The following ZNF236 variants were observed in gnomAD, a reference collection of about 807,000 sequenced individuals.
The protein encoded by ZNF236 is regulated by glucose.
In ZNF236, 50 loss-of-function variants were observed where a neutral mutation model predicts 191.2. That is an observed-to-expected ratio of 0.26 (90% confidence interval 0.21 to 0.33). ZNF236 has a LOEUF of 0.33. Ranked by LOEUF, ZNF236 falls within the 10% of genes least tolerant of loss-of-function variation. ZNF236 has a pLI of 1.00. For missense variants in ZNF236, 1,754 were observed against 2,374.5 expected (o/e 0.74, Z 5.43); for synonymous variants, 907 against 928.8 (o/e 0.98, Z 0.43).
chr18:76,904,157 A>C (rs546382375), intron 11 of ZNF236, among the ~76,000 whole-genome samples: 1 of 151,538 alleles, frequency 6.6e-6, no homozygotes, highest in African/African-American at 2.4e-5. Flanking sequence ...TTAATTTATA[A>C]ATTAATTTGT....
chr18:76,862,329 C>T (rs1270032411), intron 3 of ZNF236, among the ~76,000 whole-genome samples: 1 of 152,172 alleles, frequency 6.6e-6, no homozygotes, highest in Non-Finnish European at 1.5e-5. Context: ...ATGGTATTTA[C>T]TCAATTCCAA....
intron 3 of ZNF236, among the ~76,000 whole-genome samples, chr18:76,862,357 A>T (rs1976265121): frequency 6.6e-6 from 1 of 152,164 alleles, no homozygotes; most frequent in Non-Finnish European, 1.5e-5. Flanking sequence ...CCAACTGAAA[A>T]GCTGCTCAGC....
intron 28 of ZNF236, among the ~76,000 whole-genome samples, chr18:76,958,779 C>T (rs1464632309): frequency 6.6e-6 from 1 of 152,194 alleles, no homozygotes; most frequent in Non-Finnish European, 1.5e-5. Context: ...CCACTCACCT[C>T]CCGAGTTTGT....
chr18:76,917,377 G>A (rs997681961), intron 19 of ZNF236, among the ~76,000 whole-genome samples: 35 of 152,114 alleles, frequency 2.3e-4, no homozygotes, highest in African/African-American at 8.5e-4. Context: ...ATTCTTTCCT[G>A]TCAATTAATA....
intron 11 of ZNF236, among the ~76,000 whole-genome samples, chr18:76,899,516 C>T (rs1977529723): frequency 6.6e-6 from 1 of 152,180 alleles, no homozygotes; most frequent in African/African-American, 2.4e-5. Flanking sequence ...ATTGCTACCT[C>T]AGTGGAACCA....
At chr18:76,869,130 G>T (rs146566725) in intron 4 of ZNF236, among the ~76,000 whole-genome samples, 4 of 152,280 alleles carry the variant, frequency 2.6e-5, no homozygotes, top group East Asian at 1.9e-4. Context: ...CATGTTTATG[G>T]GTAGGTAACA....
At chr18:76,837,739 C>T (rs1375392558) in intron 1 of ZNF236, among the ~76,000 whole-genome samples, 1 of 152,190 alleles carries the variant, frequency 6.6e-6, no homozygotes, top group African/African-American at 2.4e-5. Flanking sequence ...CCGCGCCTGG[C>T]TTTGAATTCA....
chr18:76,920,805 A>T (rs1967511877), intron 20 of ZNF236, among the ~76,000 whole-genome samples: 1 of 152,124 alleles, frequency 6.6e-6, no homozygotes, highest in East Asian at 1.9e-4. Context: ...GATACATGAG[A>T]TCGAGTTGAG....
chr18:76,960,573 A>G lies in ZNF236; in HGVS notation c.5243-106A>G, dbSNP rs975371986. On this transcript the variant is annotated intron_variant, in intron 29 of 30. Transcript: ENST00000320610. The surrounding 1 kb of genome is among the most constrained non-coding windows in gnomAD (Gnocchi z 4.4). ...AGATGACAGCCAGGCTGAAAGCCTAAAAGAAAAGAGGAACATTCAGTCCCT... is the reference window on the plus strand; with the variant it reads ...AGATGACAGCCAGGCTGAAAGCCTAGAAGAAAAGAGGAACATTCAGTCCCT... 1 of 1,421,680 alleles carries G rather than the reference A, an allele frequency of 7.0e-7. No homozygotes were observed. Among genetic ancestry groups the G allele is most frequent in the Non-Finnish European group, 9.8e-7 (1 of 1,022,746 alleles). The allele number at this position is 1,421,680 out of a possible 1,614,324, so 88.1% of individuals were successfully genotyped here.
chr18:76,841,969 G>T (rs1371025591), intron 1 of ZNF236, among the ~76,000 whole-genome samples: 1 of 152,148 alleles, frequency 6.6e-6, no homozygotes, highest in Non-Finnish European at 1.5e-5. Context: ...AAAGTGCTGG[G>T]ATTGCAGGCA....
intron 30 of ZNF236, among the ~76,000 whole-genome samples, chr18:76,964,024 T>C (rs542526652): frequency 2.0e-5 from 3 of 152,320 alleles, no homozygotes; most frequent in African/African-American, 7.2e-5. Flanking sequence ...ACCAGCTTTT[T>C]GTTTCAGTTA....
chr18:76,968,641 C>G lies in ZNF236; in HGVS notation c.*302C>G. 1 of 1,115,148 alleles carries G rather than the reference C, an allele frequency of 9.0e-7. No homozygotes were observed. Among genetic ancestry groups the G allele is most frequent in the Non-Finnish European group, 1.1e-6 (1 of 913,116 alleles). 69.1% of individuals were successfully genotyped at this position (1,115,148 alleles called of 1,614,324 possible). ...TAGTTCACGAAGCAATTAACTGGGT[C>G]TTACTATCATTGTAGTGTGATTTCT... On this transcript the variant is annotated 3_prime_UTR_variant, in exon 31 of 31. Transcript: ENST00000320610.
intron 1 of ZNF236, among the ~76,000 whole-genome samples, chr18:76,846,240 C>T (rs777010043): frequency 1.8e-4 from 28 of 152,224 alleles, no homozygotes; most frequent in Non-Finnish European, 3.5e-4. Context: ...ACATGAGCCA[C>T]CATGCCCAGC....
At chr18:76,937,407 C>A in intron 26 of ZNF236, 64 bp downstream of exon 26, 1 of 1,374,958 alleles carries the variant, frequency 7.3e-7, no homozygotes, top group East Asian at 2.5e-5. Context: ...AAACATTATT[C>A]ATTGACTCCT....
rs143398992 is a variant in ZNF236, at chr18:76,844,842, C to T, written c.56-4684C>T. Among the ~76,000 whole-genome samples the T allele has an allele frequency of 4.6e-5, 7 of 152,168 alleles. No homozygotes were observed. The East Asian group carries it at 7.7e-4, about 17-fold the overall frequency. On this transcript the variant is annotated intron_variant, in intron 1 of 30. Transcript: ENST00000320610. ...GGTTAGCCTGATTGCTGGGCCTGATCGGGGAAGAAGAGCCATTTTTAAGAT... is the reference window on the plus strand; with the variant it reads ...GGTTAGCCTGATTGCTGGGCCTGATTGGGGAAGAAGAGCCATTTTTAAGAT...
chr18:76,908,989 G>A (rs552605436), intron 14 of ZNF236, among the ~76,000 whole-genome samples: 1 of 149,210 alleles, frequency 6.7e-6, no homozygotes, highest in East Asian at 1.9e-4. Context: ...GTGTGTGTGT[G>A]TGTGTGTGTG....
At chr18:76,882,362 C>T (rs1034221426) in intron 9 of ZNF236, among the ~76,000 whole-genome samples, 2 of 152,186 alleles carry the variant, frequency 1.3e-5, no homozygotes, top group Non-Finnish European at 2.9e-5. Flanking sequence ...CCTGCGTTCT[C>T]TCATGTTAAT....
intron 11 of ZNF236, among the ~76,000 whole-genome samples, chr18:76,901,251 A>G (rs949589879): frequency 6.6e-6 from 1 of 152,234 alleles, no homozygotes; most frequent in Non-Finnish European, 1.5e-5. Context: ...GAAACATGAG[A>G]AAACATAGGA....
At chr18:76,943,145 A>G (rs1361727841) in intron 26 of ZNF236, among the ~76,000 whole-genome samples, 1 of 150,886 alleles carries the variant, frequency 6.6e-6, no homozygotes, top group African/African-American at 2.4e-5. Context: ...AAAAAAAAGA[A>G]GAGCAAATTT....
Sources: allele counts gnomAD v4.1 joint callset (sites outside exome capture counted in the v4.1 genomes callset), GRCh38; gene constraint gnomAD v4.1.1; non-coding constraint Gnocchi (gnomAD v3.1); transcripts MANE v1.5; gene names NCBI Gene and HGNC (gene_info 2026-07-23, HGNC 2026-07-21).